CDCA7L: variants seen among roughly 807,000 people sequenced by gnomAD.
The protein encoded by CDCA7L is cell division cycle associated 7 like.
In CDCA7L, 44 loss-of-function variants were observed where a neutral mutation model predicts 57.4. That is an observed-to-expected ratio of 0.77 (90% CI 0.60 to 0.98). CDCA7L has a LOEUF of 0.98. Ranked by LOEUF, CDCA7L falls within the 50% of genes least tolerant of loss-of-function variation. CDCA7L has a pLI of 0.00. For missense variants in CDCA7L, 644 were observed against 580.6 expected (o/e 1.11, Z -1.12); for synonymous variants, 236 against 202.8 (o/e 1.16, Z -1.39).
Position 21,908,476 on chromosome 7 carries a change from T to G in CDCA7L, c.335A>C (p.Lys112Thr). 6.5e-7 allele frequency: 1 copy of G among 1,543,518 alleles called. No individual in the cohort carries two copies. Among genetic ancestry groups the G allele is most frequent in the South Asian group, 1.3e-5 (1 of 78,058 alleles). ...VVESDLSDDGKASLVSEEEED... is the reference protein window; with the variant it reads ...VVESDLSDDGTASLVSEEEED... ...CTCTTCCTCGCTCACCAAAGATGCTTTGCCATCATCACTCAAATCTGACTC... is the reference window on the plus strand; with the variant it reads ...CTCTTCCTCGCTCACCAAAGATGCTGTGCCATCATCACTCAAATCTGACTC... The change falls in exon 4 of 10, where the codon AAA (lysine) becomes ACA (threonine). Residue 112 changes from lysine (K) to threonine (T), a missense_variant. Transcript: ENST00000406877.
intron 3 of CDCA7L, among the ~76,000 whole-genome samples, chr7:21,909,932 C>G (rs1008232454): frequency 1.3e-5 from 2 of 152,172 alleles, no homozygotes; most frequent in Admixed American, 6.5e-5. Context: ...GTCCCATTAT[C>G]AAGAAAGATA....
chr7:21,942,632 A>C (rs1428206934), intron 1 of CDCA7L, among the ~76,000 whole-genome samples: 1 of 152,176 alleles, frequency 6.6e-6, no homozygotes, highest in Non-Finnish European at 1.5e-5. Context: ...AATTTACTCT[A>C]ATGTTTGTAA....
At chr7:21,914,254 T>A (rs906504121) in intron 2 of CDCA7L, among the ~76,000 whole-genome samples, 1 of 151,894 alleles carries the variant, frequency 6.6e-6, no homozygotes, top group Non-Finnish European at 1.5e-5. Context: ...TCAGGTGGGG[T>A]GTTGGATGCT....
At chr7:21,914,961 T>C (rs887416751) in intron 2 of CDCA7L, among the ~76,000 whole-genome samples, 20 of 152,208 alleles carry the variant, frequency 1.3e-4, no homozygotes, top group Non-Finnish European at 2.4e-4. Flanking sequence ...AGACATGTTC[T>C]GCCTTGCTCA....
At chr7:21,938,994 G>A (rs1429402965) in intron 1 of CDCA7L, among the ~76,000 whole-genome samples, 3 of 152,172 alleles carry the variant, frequency 2.0e-5, no homozygotes, top group Non-Finnish European at 2.9e-5. Flanking sequence ...GGGCAACAGA[G>A]TGAGACCCTG....
rs1462156970 is a variant in CDCA7L at position 21,945,835 on chromosome 7, G to C, written c.-31C>G. On this transcript the variant is annotated 5_prime_UTR_variant, in exon 1 of 10. Coordinates refer to ENST00000406877, the MANE Select transcript of CDCA7L (RefSeq NM_018719.5). ...CTAACCGGGCTCCAGTCTCCTCCCA[G>C]CACGCGGCCACGGGAGCCCGGACTC... 1.9e-6 allele frequency: 3 copies of C among 1,592,888 alleles called. No individual in the cohort carries two copies. Among genetic ancestry groups the C allele is most frequent in the Non-Finnish European group, 1.7e-6 (2 of 1,171,540 alleles).
intron 2 of CDCA7L, among the ~76,000 whole-genome samples, chr7:21,914,720 G>T (rs1202928210): frequency 6.6e-6 from 1 of 152,278 alleles, no homozygotes; most frequent in East Asian, 1.9e-4. Context: ...CCCAGATGTG[G>T]GGCCTTGGGC....
intron 1 of CDCA7L, among the ~76,000 whole-genome samples, chr7:21,923,238 C>G (rs1785715035): frequency 1.3e-5 from 2 of 152,142 alleles, no homozygotes; most frequent in South Asian, 4.1e-4. Context: ...CCTGTAATCC[C>G]AGCACTCTGG....
chr7:21,932,157 CA>C (rs1305414232), intron 1 of CDCA7L, among the ~76,000 whole-genome samples: 4 of 152,066 alleles, frequency 2.6e-5, no homozygotes, highest in Non-Finnish European at 5.9e-5. Flanking sequence ...AGAGAGGAAA[CA>C]AACAAATGGA....
intron 1 of CDCA7L, among the ~76,000 whole-genome samples, chr7:21,926,924 G>A (rs10261926): frequency 0.054 from 8,154 of 151,968 alleles, 729 homozygotes; most frequent in African/African-American, 0.18. Context: ...GAAGCCATGG[G>A]GAGTGGAAAA....
chr7:21,908,763 T>C (rs1233119527), intron 3 of CDCA7L, among the ~76,000 whole-genome samples: 3 of 152,124 alleles, frequency 2.0e-5, no homozygotes, highest in African/African-American at 7.2e-5. Flanking sequence ...ATTCAGAGCA[T>C]GAGGGCTGTA....
chr7:21,929,330 G>A (rs1377864636), intron 1 of CDCA7L, among the ~76,000 whole-genome samples: 1 of 152,004 alleles, frequency 6.6e-6, no homozygotes, highest in East Asian at 1.9e-4. Flanking sequence ...ACGAAAAACT[G>A]GTATCAGCTA....
At chr7:21,919,714 G>A (rs984581474) in intron 1 of CDCA7L, among the ~76,000 whole-genome samples, 1 of 151,880 alleles carries the variant, frequency 6.6e-6, no homozygotes, top group African/African-American at 2.4e-5. Flanking sequence ...GAAAACCCTC[G>A]ATTCCCAAAA....
In CDCA7L at chr7:21,905,587, A is replaced by C; in HGVS notation, c.966T>G (p.Phe322Leu). The change falls in exon 7 of 10, where the codon TTT (phenylalanine) becomes TTG (leucine). Residue 322 changes from phenylalanine to leucine, a missense_variant. Coordinates refer to ENST00000406877, the MANE Select transcript of CDCA7L (RefSeq NM_018719.5). ...CTTCGGTGATATCCTCCACTGGCCGAAAAGAAGATATACGGTGACGTCGTC... is the reference window on the plus strand; with the variant it reads ...CTTCGGTGATATCCTCCACTGGCCGCAAAGAAGATATACGGTGACGTCGTC... Reference protein sequence around the residue: ...EYRRRHRISSFRPVEDITEED... With the variant: ...EYRRRHRISSLRPVEDITEED... 6.2e-7 allele frequency: 1 copy of C among 1,614,096 alleles called. No individual in the cohort carries two copies. The highest frequency in any genetic ancestry group is 2.2e-5 in the East Asian group (1 of 44,886).
chr7:21,914,830 T>C lies in CDCA7L; in HGVS notation c.165+1924A>G, dbSNP rs1310002747. Among the ~76,000 whole-genome samples, 9 of 152,174 alleles carry C rather than the reference T, an allele frequency of 5.9e-5. No homozygotes were observed. In the East Asian group the frequency reaches 1.2e-3, roughly 20 times the overall value. On this transcript the variant is annotated intron_variant, in intron 2 of 9. Transcript: ENST00000406877. ...AATGCAGTATCTGTATGAAAAGCAG[T>C]TGGCACACTGTCCTCCCTGGGGAGA...
rs548421764 is a variant in CDCA7L at position 21,926,413 on chromosome 7, T to C, written c.25-9519A>G. Reference sequence around the variant, plus strand: ...TCATGTATCTAATAAGGATCTACTATCTAGAATATATAAAGATTTCTTACA... The same window carrying C: ...TCATGTATCTAATAAGGATCTACTACCTAGAATATATAAAGATTTCTTACA... On this transcript the variant is annotated intron_variant, in intron 1 of 9. Transcript: ENST00000406877. Among the ~76,000 whole-genome samples the C allele has an allele frequency of 1.5e-4, 23 of 152,230 alleles. No homozygotes were observed. The South Asian group carries it at 4.4e-3, about 29-fold the overall frequency.
At chr7:21,904,010 C>G in intron 8 of CDCA7L, 100 bp downstream of exon 8, 1 of 1,152,820 alleles carries the variant, frequency 8.7e-7, no homozygotes, top group South Asian at 2.5e-5. Flanking sequence ...AACCAGAGTT[C>G]TGGAGCTCCC....
In CDCA7L at chr7:21,906,191, G is replaced by A. The variant is rs913499331; in HGVS notation, c.921+98C>T. The A allele has an allele frequency of 4.7e-5, 55 of 1,176,848 alleles. No individual in the cohort carries two copies. The South Asian group carries it at 5.8e-4, about 13-fold the overall frequency. 72.9% of individuals were successfully genotyped at this position (1,176,848 alleles called of 1,614,324 possible). A position where few individuals can be genotyped will look rare whatever the true frequency, so the allele number is the denominator to read the frequency against. ...AAGTTCTCAGCTGCCGCAGACCCAC[G>A]GGGTCAGAACCAGCCCTGGGGTGAC... is the stretch of plus-strand genomic sequence containing the variant. On this transcript the variant is annotated intron_variant, in intron 6 of 9. Coordinates refer to ENST00000406877, the MANE Select transcript of CDCA7L (RefSeq NM_018719.5).
intron 2 of CDCA7L, 62 bp downstream of exon 2, chr7:21,916,692 A>C: frequency 6.7e-7 from 1 of 1,503,596 alleles, no homozygotes; most frequent in Non-Finnish European, 9.2e-7. Context: ...AAATAAAAGA[A>C]CATCCAAACC....
Sources: allele counts gnomAD v4.1 joint callset (sites outside exome capture counted in the v4.1 genomes callset), GRCh38; gene constraint gnomAD v4.1.1; transcripts MANE v1.5; gene names NCBI Gene and HGNC (gene_info 2026-07-23, HGNC 2026-07-21).